RUNX1: variants seen among roughly 807,000 people sequenced by gnomAD.
RUNX1 encodes RUNX family transcription factor 1, also known as runt-related transcription factor 1.
In RUNX1, 19 loss-of-function variants were observed where a neutral mutation model predicts 42.8. The observed-to-expected ratio is 0.44, with a 90% CI of 0.31 to 0.65. The LOEUF (loss-of-function observed/expected upper bound fraction) is 0.65, where lower values mean the gene tolerates loss of function less well. RUNX1 is among the 30% of genes least tolerant of loss of function. The pLI is 0.07. For missense variants in RUNX1, 528 were observed against 672.0 expected, an observed-to-expected ratio of 0.79 and a Z score of 2.37; for synonymous variants, 271 against 289.4, an observed-to-expected ratio of 0.94 and a Z score of 0.64.
At chr21:34,924,123 A>T (rs149798049) in intron 2 of RUNX1, among the ~76,000 whole-genome samples, 1 of 152,300 alleles carries the variant, frequency 6.6e-6, no homozygotes, top group African/African-American at 2.4e-5. Context: ...CTCTTCCCCT[A>T]TGATGGCTAA....
chr21:34,844,335 G>C (rs910422024), intron 6 of RUNX1, among the ~76,000 whole-genome samples: 20 of 152,170 alleles, frequency 1.3e-4, no homozygotes, highest in African/African-American at 4.8e-4. Context: ...GGGTAGACAG[G>C]CAAGACCTGG....
At chr21:34,838,903 A>G (rs2057188595) in intron 6 of RUNX1, among the ~76,000 whole-genome samples, 1 of 151,384 alleles carries the variant, frequency 6.6e-6, no homozygotes, top group Non-Finnish European at 1.5e-5. Flanking sequence ...TACCACATGT[A>G]TATTATATAT....
At chr21:35,025,135 A>G (rs978258315) in intron 2 of RUNX1, among the ~76,000 whole-genome samples, 9 of 152,244 alleles carry the variant, frequency 5.9e-5, no homozygotes, top group African/African-American at 2.2e-4. Flanking sequence ...AGGACACTAC[A>G]ATAACAGATG....
chr21:34,813,352 C>T (rs1357128981), intron 7 of RUNX1, among the ~76,000 whole-genome samples: 3 of 152,112 alleles, frequency 2.0e-5, no homozygotes, highest in South Asian at 2.1e-4. Flanking sequence ...GATGACAAGA[C>T]GGAAGATGTG....
intron 5 of RUNX1, among the ~76,000 whole-genome samples, chr21:34,879,323 T>C (rs896912522): frequency 3.9e-5 from 6 of 152,196 alleles, no homozygotes; most frequent in African/African-American, 1.4e-4. Context: ...TATAGTACTA[T>C]GAATATATAT....
At chr21:34,965,520 C>T (rs965179522) in intron 2 of RUNX1, among the ~76,000 whole-genome samples, 6 of 150,558 alleles carry the variant, frequency 4.0e-5, no homozygotes, top group East Asian at 1.9e-4. Flanking sequence ...GAAAAAAACA[C>T]GAAAAAGAAA....
chr21:34,822,285 C>A (rs2056919548), intron 7 of RUNX1, among the ~76,000 whole-genome samples: 1 of 152,186 alleles, frequency 6.6e-6, no homozygotes, highest in African/African-American at 2.4e-5. Context: ...TTCCCCCTAA[C>A]CATGTCATGC....
rs1308940505 is a variant in RUNX1, at chr21:34,788,117, A to G, written c.*4018T>C. Reference sequence around the variant, plus strand: ...ACACCAGCTTGACAGTTCCCCTTTAAGAAGCATTCCATACGTTTGTACCAG... The same window carrying G: ...ACACCAGCTTGACAGTTCCCCTTTAGGAAGCATTCCATACGTTTGTACCAG... On this transcript the variant is annotated 3_prime_UTR_variant, in exon 9 of 9. Transcript: ENST00000675419. 1 of 233,206 alleles carries G rather than the reference A, an allele frequency of 4.3e-6. No individual in the cohort carries two copies. Among genetic ancestry groups the G allele is most frequent in the African/African-American group, 2.2e-5 (1 of 45,344 alleles). 14.4% of individuals were successfully genotyped at this position (233,206 alleles called of 1,614,324 possible).
intron 2 of RUNX1, among the ~76,000 whole-genome samples, chr21:34,998,628 G>A (rs1333258448): frequency 4.6e-5 from 7 of 151,902 alleles, no homozygotes; most frequent in South Asian, 4.2e-4. Flanking sequence ...TGCAAGCTCC[G>A]CCTCCCAGGT....
At chr21:34,894,926 C>CACAT in intron 2 of RUNX1, among the ~76,000 whole-genome samples, 1 of 120,780 alleles carries the variant, frequency 8.3e-6, no homozygotes, top group South Asian at 2.5e-4. Flanking sequence ...CACACACACA[C>CACAT]ACATATTCAT....
chr21:34,822,246 C>T (rs1052007373), intron 7 of RUNX1, among the ~76,000 whole-genome samples: 9 of 152,234 alleles, frequency 5.9e-5, no homozygotes, highest in African/African-American at 2.2e-4. Context: ...ACAAACCAGA[C>T]ACCACAGGCA....
In RUNX1 at chr21:34,788,295, A is replaced by G. The variant is rs946273418; in HGVS notation, c.*3840T>C. 3.9e-5 allele frequency: 9 copies of G among 233,572 alleles called. No individual in the cohort carries two copies. Among genetic ancestry groups the G allele is most frequent in the African/African-American group, 1.8e-4 (8 of 45,360 alleles). The allele number at this position is 233,572 out of a possible 1,614,324, so 14.5% of individuals were successfully genotyped here. A position where few individuals can be genotyped will look rare whatever the true frequency, so the allele number is the denominator to read the frequency against. The stretch of plus-strand genomic sequence containing the variant: ...TGTGTTATACCGTCATTTCAATTTG[A>G]AAGTTTATTTTTTTCCATTGATTTT... On this transcript the variant is annotated 3_prime_UTR_variant, in exon 9 of 9. Coordinates refer to ENST00000675419, the MANE Select transcript of RUNX1 (RefSeq NM_001754.5).
intron 3 of RUNX1, chr21:34,887,579 C>G: frequency 1.8e-6 from 2 of 1,117,552 alleles, no homozygotes; most frequent in Non-Finnish European, 2.2e-6. Context: ...TCTAAAGTCC[C>G]AACAGAACAC....
In RUNX1 at chr21:34,847,880, C is replaced by T. The variant is rs1040631065; in HGVS notation, c.613+11594G>A. 2.0e-5 allele frequency among the ~76,000 whole-genome samples: 3 copies of T among 151,752 alleles called. No individual in the cohort carries two copies. In the East Asian group the frequency reaches 5.8e-4, roughly 29 times the overall value. ...GTATGGAAGGAAAAGAGAAAAAGCC[C>T]TTATTGTACTGTATTGTGAGGGCCA... is the stretch of plus-strand genomic sequence containing the variant. On this transcript the variant is annotated intron_variant, in intron 6 of 8. Coordinates refer to ENST00000675419, the MANE Select transcript of RUNX1 (RefSeq NM_001754.5).
intron 5 of RUNX1, among the ~76,000 whole-genome samples, chr21:34,861,803 C>A (rs949900535): frequency 3.3e-5 from 5 of 152,168 alleles, no homozygotes; most frequent in African/African-American, 1.2e-4. Context: ...TTCCAGGCAG[C>A]CTTCCTTGAT....
chr21:34,855,610 C>T (rs771835736), intron 6 of RUNX1, among the ~76,000 whole-genome samples: 11 of 152,086 alleles, frequency 7.2e-5, no homozygotes, highest in Non-Finnish European at 1.3e-4. Flanking sequence ...GAGGCTGAGG[C>T]GGGAGAATCG....
In RUNX1 at chr21:34,963,964, A is replaced by G. The variant is rs145386988; in HGVS notation, c.59-71001T>C. Among the ~76,000 whole-genome samples, 1,199 of 152,330 alleles carry G rather than the reference A, an allele frequency of 7.9e-3. 15 individuals are homozygous for G. Among genetic ancestry groups the G allele is most frequent in the African/African-American group, 0.027 (1,126 of 41,564 alleles). Reference sequence around the variant, plus strand: ...CAATTTCAAATAGATAAAGTTTATCATGTAGATGGAAGATTGGGATGGCAT... The same window carrying G: ...CAATTTCAAATAGATAAAGTTTATCGTGTAGATGGAAGATTGGGATGGCAT... On this transcript the variant is annotated intron_variant, in intron 2 of 8. Transcript: ENST00000675419.
rs747703979 is a variant in RUNX1, at chr21:34,823,079, T to TA, written c.805+11330dup. The stretch of plus-strand genomic sequence containing the variant: ...AGGTTGAACACATAAAGCCGTAAGG[T>TA]AAAGAGGACATCATCCATAGCAGGA... On this transcript the variant is annotated intron_variant, in intron 7 of 8. Coordinates refer to ENST00000675419, the MANE Select transcript of RUNX1 (RefSeq NM_001754.5). 7.9e-5 allele frequency among the ~76,000 whole-genome samples: 12 copies of TA among 152,254 alleles called. 1 individual carries two copies. Among genetic ancestry groups the TA allele is most frequent in the East Asian group, 7.7e-4 (4 of 5,182 alleles).
At chr21:34,941,509 A>C (rs1393229493) in intron 2 of RUNX1, among the ~76,000 whole-genome samples, 1 of 152,236 alleles carries the variant, frequency 6.6e-6, no homozygotes, top group Non-Finnish European at 1.5e-5. Context: ...GACCTACACA[A>C]ACATGGGACC....
Sources: allele counts gnomAD v4.1 joint callset (sites outside exome capture counted in the v4.1 genomes callset), GRCh38; gene constraint gnomAD v4.1.1; transcripts MANE v1.5; gene names NCBI Gene and HGNC (gene_info 2026-07-23, HGNC 2026-07-21).